NR2F1-AS1: variants seen among roughly 807,000 people sequenced by gnomAD.
NR2F1-AS1 encodes NR2F1 antisense RNA 1.
chr5:93,478,059 TGCA>T (rs1750521399), intron 4 of NR2F1-AS1, among the ~76,000 whole-genome samples: 1 of 152,146 alleles, frequency 6.6e-6, no homozygotes, highest in Non-Finnish European at 1.5e-5. Flanking sequence ...AAGAAGCCAA[TGCA>T]GCAACTTTTC....
intron 2 of NR2F1-AS1, among the ~76,000 whole-genome samples, chr5:93,556,878 T>C (rs1484698550): frequency 6.6e-6 from 1 of 152,202 alleles, no homozygotes; most frequent in Non-Finnish European, 1.5e-5. Flanking sequence ...GGTATTTTGT[T>C]ATAGCCACCA....
At chr5:93,555,295 A>C (rs1752329324) in intron 2 of NR2F1-AS1, among the ~76,000 whole-genome samples, 1 of 152,236 alleles carries the variant, frequency 6.6e-6, no homozygotes, top group Admixed American at 6.5e-5. Context: ...GTTTTATAGA[A>C]AGTACTACAG....
intron 4 of NR2F1-AS1, chr5:93,542,172 G>A (rs1483365338): frequency 1.3e-5 from 2 of 149,166 alleles, no homozygotes; most frequent in African/African-American, 5.0e-5. Flanking sequence ...TACTCATGAA[G>A]AACAAAAACT....
intron 4 of NR2F1-AS1, among the ~76,000 whole-genome samples, chr5:93,421,714 G>A (rs1033383765): frequency 3.9e-5 from 6 of 152,154 alleles, no homozygotes; most frequent in South Asian, 4.1e-4. Context: ...CCCCAGGGCC[G>A]CTCCATTGTC....
At chr5:93,453,686 C>A (rs934321232) in intron 4 of NR2F1-AS1, among the ~76,000 whole-genome samples, 2 of 151,826 alleles carry the variant, frequency 1.3e-5, no homozygotes, top group Admixed American at 6.6e-5. Flanking sequence ...AGTCAAAAGA[C>A]AATGGAGTGA....
chr5:93,465,780 T>C (rs1190592728), intron 4 of NR2F1-AS1, among the ~76,000 whole-genome samples: 1 of 152,152 alleles, frequency 6.6e-6, no homozygotes, highest in Admixed American at 6.5e-5. Flanking sequence ...TGCAGGGACA[T>C]GGATGAAGCT....
chr5:93,538,344 T>C (rs981314388), intron 4 of NR2F1-AS1, among the ~76,000 whole-genome samples: 1 of 151,998 alleles, frequency 6.6e-6, no homozygotes, highest in African/African-American at 2.4e-5. Context: ...CATGGTGGCA[T>C]GGGCCTGTAG....
chr5:93,522,775 C>T (rs912878584), intron 4 of NR2F1-AS1, among the ~76,000 whole-genome samples: 1 of 152,170 alleles, frequency 6.6e-6, no homozygotes, highest in Admixed American at 6.5e-5. Flanking sequence ...CCAAGGGAAG[C>T]CATGAGAGAC....
At chr5:93,486,278 TAA>T (rs1750714907) in intron 4 of NR2F1-AS1, among the ~76,000 whole-genome samples, 4 of 151,478 alleles carry the variant, frequency 2.6e-5, no homozygotes, top group African/African-American at 7.3e-5. Context: ...ATAAATTAAT[TAA>T]TTTTTTTAAA....
chr5:93,425,351 C>G (rs116263493), intron 4 of NR2F1-AS1, among the ~76,000 whole-genome samples: 1 of 152,160 alleles, frequency 6.6e-6, no homozygotes, highest in Admixed American at 6.5e-5. Flanking sequence ...GGCTCATTGA[C>G]AATACAGTCA....
At chr5:93,521,640 A>G (rs1484441004) in intron 4 of NR2F1-AS1, among the ~76,000 whole-genome samples, 1 of 152,242 alleles carries the variant, frequency 6.6e-6, no homozygotes, top group Non-Finnish European at 1.5e-5. Context: ...CATTAGAGAA[A>G]TGCAAATCAA....
At chr5:93,483,472 T>C (rs192067798) in intron 4 of NR2F1-AS1, among the ~76,000 whole-genome samples, 1 of 152,052 alleles carries the variant, frequency 6.6e-6, no homozygotes, top group East Asian at 1.9e-4. Flanking sequence ...CAACAGCAGA[T>C]AAATTCATGA....
At position 93,458,268 on chromosome 5, in the gene NR2F1-AS1, G is replaced by A. The variant is rs372187975; in HGVS notation, n.639-62726C>T. ...AAAATAAATTTTGAGAAAAAAATTG[G>A]AGGACTTAAAGCCATCTGATTTCAG... is the stretch of plus-strand genomic sequence containing the variant. On this transcript the variant is annotated intron_variant and non_coding_transcript_variant, in intron 4 of 5. Coordinates refer to ENST00000660523, the Ensembl canonical transcript of NR2F1-AS1. 4.5e-4 allele frequency among the ~76,000 whole-genome samples: 68 copies of A among 152,242 alleles called. No individual in the cohort carries two copies. In the South Asian group the frequency reaches 0.013, roughly 30 times the overall value.
chr5:93,471,226 G>C (rs1006923795), intron 4 of NR2F1-AS1, among the ~76,000 whole-genome samples: 1 of 151,800 alleles, frequency 6.6e-6, no homozygotes, highest in Non-Finnish European at 1.5e-5. Context: ...TCTTCTGTCC[G>C]AAAGTCTCAT....
At chr5:93,472,650 T>C (rs1382175148) in intron 4 of NR2F1-AS1, among the ~76,000 whole-genome samples, 1 of 151,606 alleles carries the variant, frequency 6.6e-6, no homozygotes, top group Non-Finnish European at 1.5e-5. Context: ...GAAGAGATAT[T>C]CACATATATA....
At chr5:93,454,797 T>C (rs1290411472) in intron 4 of NR2F1-AS1, among the ~76,000 whole-genome samples, 1 of 152,128 alleles carries the variant, frequency 6.6e-6, no homozygotes, top group Non-Finnish European at 1.5e-5. Flanking sequence ...ATCCCTGAAG[T>C]ACAGGGTTCA....
At chr5:93,520,998 C>A (rs529121664) in intron 4 of NR2F1-AS1, among the ~76,000 whole-genome samples, 23 of 152,088 alleles carry the variant, frequency 1.5e-4, no homozygotes, top group Non-Finnish European at 2.9e-4. Context: ...TACAAAACAA[C>A]ATGGTACTGG....
intron 4 of NR2F1-AS1, among the ~76,000 whole-genome samples, chr5:93,522,696 T>C (rs454917): frequency 0.72 from 109,815 of 152,034 alleles, 40,134 homozygotes; most frequent in East Asian, 0.85. Flanking sequence ...CCACAGACGG[T>C]GAGCCAAAGC....
intron 4 of NR2F1-AS1, among the ~76,000 whole-genome samples, chr5:93,467,663 T>G (rs954765422): frequency 3.9e-4 from 59 of 152,246 alleles, no homozygotes; most frequent in African/African-American, 1.4e-3. Flanking sequence ...AATTTAAGGA[T>G]CAGCCAACAG....
Sources: allele counts gnomAD v4.1 joint callset (sites outside exome capture counted in the v4.1 genomes callset), GRCh38; gene constraint gnomAD v4.1.1; transcripts MANE v1.5; gene names NCBI Gene and HGNC (gene_info 2026-07-23, HGNC 2026-07-21).